The following TXNRD1 variants were observed in gnomAD, a reference collection of about 807,000 sequenced individuals.
TXNRD1 encodes thioredoxin reductase 1, cytoplasmic.
TXNRD1 carries 57 observed loss-of-function variants against 80.3 expected under a neutral mutation model. The observed-to-expected ratio is 0.71, with a 90% CI of 0.57 to 0.89. The LOEUF (loss-of-function observed/expected upper bound fraction) is 0.89, where lower values mean the gene tolerates loss of function less well. Ranked by LOEUF, TXNRD1 falls within the 40% of genes least tolerant of loss-of-function variation. TXNRD1 has a pLI of 0.00. For synonymous variants in TXNRD1, 291 were observed against 285.2 expected (o/e 1.02, Z -0.20); for missense variants, 730 against 803.0 (o/e 0.91, Z 1.10).
intron 2 of TXNRD1, among the ~76,000 whole-genome samples, chr12:104,252,664 A>C (rs1337852731): frequency 0.017 from 485 of 29,312 alleles, 10 homozygotes; most frequent in African/African-American, 0.056. Context: ...ATTATTTTTT[A>C]TATATATATA....
At chr12:104,334,415 C>G (rs1482842320) in intron 15 of TXNRD1, 83 bp downstream of exon 15, 25 of 784,544 alleles carry the variant, frequency 3.2e-5, no homozygotes, top group Non-Finnish European at 4.5e-5. Context: ...TGGAGTCTTG[C>G]TCTGTTGCCC....
At chr12:104,317,436 T>C (rs1338697892) in intron 7 of TXNRD1, among the ~76,000 whole-genome samples, 1 of 148,930 alleles carries the variant, frequency 6.7e-6, no homozygotes, top group Non-Finnish European at 1.5e-5. Context: ...ATTATGATCA[T>C]ATGAATTCAA....
intron 4 of TXNRD1, among the ~76,000 whole-genome samples, chr12:104,297,032 G>C (rs1593776122): frequency 6.6e-6 from 1 of 152,132 alleles, no homozygotes; most frequent in Non-Finnish European, 1.5e-5. Flanking sequence ...GGCTGGGTGT[G>C]GTGGCTCATG....
chr12:104,345,550 T>G (rs2036461002), intron 16 of TXNRD1, among the ~76,000 whole-genome samples: 1 of 152,232 alleles, frequency 6.6e-6, no homozygotes, highest in African/African-American at 2.4e-5. Context: ...GCATTAGCAA[T>G]GCATTTGCCG....
intron 1 of TXNRD1, among the ~76,000 whole-genome samples, chr12:104,240,710 T>A (rs2032838554): frequency 6.6e-6 from 1 of 151,908 alleles, no homozygotes; most frequent in African/African-American, 2.4e-5. Context: ...CATTGTCTTC[T>A]GTGTATATGT....
chr12:104,264,713 C>T (rs1487342738), intron 3 of TXNRD1, among the ~76,000 whole-genome samples: 3 of 152,112 alleles, frequency 2.0e-5, no homozygotes, highest in African/African-American at 7.2e-5. Context: ...TTTACTTAGC[C>T]ATTCTACTAT....
chr12:104,254,644 A>AAAAAAAAAAAAAAAAAAAAAAT, intron 2 of TXNRD1, among the ~76,000 whole-genome samples: 14 of 93,628 alleles, frequency 1.5e-4, no homozygotes, highest in East Asian at 2.7e-4. Flanking sequence ...AAAAAAAAAA[A>AAAAAAAAAAAAAAAAAAAAAAT]ATATATATAT....
chr12:104,239,110 G>T (rs968877709), intron 1 of TXNRD1, among the ~76,000 whole-genome samples: 2 of 151,758 alleles, frequency 1.3e-5, no homozygotes, highest in Non-Finnish European at 2.9e-5. Flanking sequence ...GAAAGAGTGT[G>T]AAAAATTGCT....
At chr12:104,345,521 G>A (rs889062390) in intron 16 of TXNRD1, among the ~76,000 whole-genome samples, 2 of 152,212 alleles carry the variant, frequency 1.3e-5, no homozygotes, top group Admixed American at 6.5e-5. Flanking sequence ...CTGTGTGAGA[G>A]GGATTCTCAG....
intron 4 of TXNRD1, chr12:104,304,244 G>A (rs1429280095): frequency 1.2e-6 from 2 of 1,613,952 alleles, no homozygotes; most frequent in African/African-American, 2.7e-5. Flanking sequence ...TAAAGAAAAG[G>A]CAAAGCAGTT....
chr12:104,265,826 A>G (rs2033472695), intron 3 of TXNRD1: 4 of 1,465,676 alleles, frequency 2.7e-6, no homozygotes, highest in Admixed American at 3.6e-5. Context: ...AAGAGGCCCA[A>G]CACCTTCTTC....
At chr12:104,243,099 GTTC>G (rs772380003) in intron 1 of TXNRD1, among the ~76,000 whole-genome samples, 3 of 152,162 alleles carry the variant, frequency 2.0e-5, no homozygotes, top group Non-Finnish European at 1.5e-5. Flanking sequence ...TAGCACTTAA[GTTC>G]TTCTTATGAC....
chr12:104,245,984 G>T (rs866543879), intron 1 of TXNRD1, among the ~76,000 whole-genome samples: 2 of 151,556 alleles, frequency 1.3e-5, no homozygotes, highest in African/African-American at 2.4e-5. Context: ...GTGGTGGCGG[G>T]CTCCTGTAGT....
rs10622971 is a variant in TXNRD1 at position 104,245,517 on chromosome 12, C to CAAAAAAAAAA, written c.92-5994_92-5985dup. ...GGGCAACAAGAGCGAAACTCCATCT[C>CAAAAAAAAAA]AAAAAAAAAAAAAAAAAAAAAAAAA... On this transcript the variant is annotated intron_variant, in intron 1 of 16. Transcript: ENST00000525566. 4.9e-3 allele frequency among the ~76,000 whole-genome samples: 142 copies of CAAAAAAAAAA among 29,220 alleles called. 19 individuals carry two copies. The highest frequency in any genetic ancestry group is 0.019 in the East Asian group (11 of 582). The allele number at this position is 29,220 out of a possible 152,430, so 19.2% of individuals were successfully genotyped here. A position where few individuals can be genotyped will look rare whatever the true frequency, so the allele number is the denominator to read the frequency against.
At chr12:104,319,673 G>C in intron 9 of TXNRD1, 88 bp downstream of exon 9, 6 of 983,128 alleles carry the variant, frequency 6.1e-6, no homozygotes, top group Non-Finnish European at 9.3e-6. Context: ...TCAATTTCTT[G>C]GGCTTCAGAC....
intron 16 of TXNRD1, among the ~76,000 whole-genome samples, chr12:104,340,430 G>A (rs986629696): frequency 2.6e-5 from 4 of 152,098 alleles, no homozygotes; most frequent in Admixed American, 1.3e-4. Flanking sequence ...AAACTGGGTG[G>A]CTTAAAAATA....
chr12:104,332,026 G>T lies in TXNRD1; in HGVS notation c.1650+385G>T, dbSNP rs562722858. ...TCTAATTCTGTCAGTTGACCCAATC[G>T]TATTTCCTTTTACTTTTTAAAATCA... is the stretch of plus-strand genomic sequence containing the variant. On this transcript the variant is annotated intron_variant, in intron 14 of 16. Transcript: ENST00000525566. 2.0e-5 allele frequency among the ~76,000 whole-genome samples: 3 copies of T among 151,976 alleles called. No homozygotes were observed. The South Asian group carries it at 6.2e-4, about 32-fold the overall frequency.
chr12:104,231,617 G>A (rs187511034), intron 1 of TXNRD1, among the ~76,000 whole-genome samples: 1 of 152,266 alleles, frequency 6.6e-6, no homozygotes, highest in Non-Finnish European at 1.5e-5. Context: ...AGTACCTGGT[G>A]TAGTAAATAA....
intron 2 of TXNRD1, among the ~76,000 whole-genome samples, chr12:104,256,596 T>C (rs1290809569): frequency 6.6e-6 from 1 of 151,884 alleles, no homozygotes; most frequent in Non-Finnish European, 1.5e-5. Flanking sequence ...CTGGCCAACA[T>C]GGTGAAACCG....
Sources: allele counts gnomAD v4.1 joint callset (sites outside exome capture counted in the v4.1 genomes callset), GRCh38; gene constraint gnomAD v4.1.1; transcripts MANE v1.5; gene names NCBI Gene and HGNC (gene_info 2026-07-23, HGNC 2026-07-21).